TMCO6: variants seen among roughly 807,000 people sequenced by gnomAD.
The protein encoded by TMCO6 is transmembrane and coiled-coil domain-containing protein 6.
A neutral mutation model predicts 61.8 loss-of-function variants in TMCO6; 47 were observed. The observed-to-expected ratio is 0.76, with a 90% CI of 0.60 to 0.97. The LOEUF is 0.97. TMCO6 is among the 50% of genes least tolerant of loss of function. The pLI, the probability that TMCO6 is intolerant of heterozygous loss-of-function variation, is 0.00. For missense variants in TMCO6, 557 were observed against 601.6 expected, an observed-to-expected ratio of 0.93 and a Z score of 0.78; for synonymous variants, 261 against 254.2, an observed-to-expected ratio of 1.03 and a Z score of -0.25.
chr5:140,635,395 G>T (rs1182185188), upstream of TMCO6, among the ~76,000 whole-genome samples: 5 of 152,168 alleles, frequency 3.3e-5, no homozygotes, highest in Admixed American at 3.3e-4. Context: ...AAAGTCTTTG[G>T]CACAGAAACA....
the TMCO6 span, among the ~76,000 whole-genome samples, chr5:140,618,465 A>C: frequency 6.6e-6 from 1 of 152,114 alleles, no homozygotes; most frequent in Non-Finnish European, 1.5e-5. Context: ...CAATACAATA[A>C]AGAAGAGAGA....
chr5:140,625,879 G>A, the TMCO6 span, among the ~76,000 whole-genome samples: 9 of 152,192 alleles, frequency 5.9e-5, no homozygotes, highest in Non-Finnish European at 1.3e-4. Context: ...GGAGATGACA[G>A]TAGAGGAGGC....
chr5:140,603,583 C>T, the TMCO6 span, among the ~76,000 whole-genome samples: 2 of 152,164 alleles, frequency 1.3e-5, no homozygotes. Context: ...GCTGGGATCA[C>T]AAGTGTGAGC....
At chr5:140,620,333 A>G in the TMCO6 span, among the ~76,000 whole-genome samples, 2 of 152,206 alleles carry the variant, frequency 1.3e-5, no homozygotes, top group African/African-American at 2.4e-5. Flanking sequence ...ACAAAACTAT[A>G]TTGACAGTTT....
At chr5:140,618,000 ACT>A in the TMCO6 span, among the ~76,000 whole-genome samples, 1 of 152,198 alleles carries the variant, frequency 6.6e-6, no homozygotes, top group South Asian at 2.1e-4. Context: ...GAGGACTGAC[ACT>A]ACCTGACTTC....
At chr5:140,633,378 T>C in the TMCO6 span, 1 of 527,384 alleles carries the variant, frequency 1.9e-6, no homozygotes, top group Non-Finnish European at 3.4e-6. Context: ...CTGTGTCTCC[T>C]GGCAGTGTCC....
the TMCO6 span, among the ~76,000 whole-genome samples, chr5:140,615,799 G>T: frequency 7.8e-4 from 119 of 152,308 alleles, no homozygotes; most frequent in African/African-American, 2.7e-3. Context: ...ACTAAAAATT[G>T]ATCAAATTGC....
chr5:140,644,744 T>C lies in TMCO6; in HGVS notation c.1368+4T>C, dbSNP rs200193867. ...GCTGTTCCTGTATCAGCCAGAGGTA[T>C]AGGTTTCTGGCCCACATCCTCAGTC... is the stretch of plus-strand genomic sequence containing the variant. On this transcript the variant is annotated splice_donor_region_variant and intron_variant, in intron 11 of 11. Coordinates refer to ENST00000394671, the MANE Select transcript of TMCO6 (RefSeq NM_018502.5). The C allele has an allele frequency of 7.1e-5, 115 of 1,614,110 alleles. No homozygotes were observed. In the African/African-American group the frequency reaches 1.4e-3, roughly 19 times the overall value.
chr5:140,624,999 G>A, the TMCO6 span, among the ~76,000 whole-genome samples: 2 of 151,648 alleles, frequency 1.3e-5, no homozygotes, highest in South Asian at 2.1e-4. Flanking sequence ...GATTACAGGC[G>A]CTTGGCACCG....
the TMCO6 span, among the ~76,000 whole-genome samples, chr5:140,623,637 T>C: frequency 3.5e-4 from 53 of 152,370 alleles, no homozygotes; most frequent in African/African-American, 1.2e-3. Context: ...TATGCTCACA[T>C]CTTTAGTGAT....
chr5:140,632,039 A>G, the TMCO6 span: 1 of 1,614,218 alleles, frequency 6.2e-7, no homozygotes, highest in Non-Finnish European at 8.5e-7. The surrounding 1 kb of genome is among the most constrained non-coding windows in gnomAD (Gnocchi z 6.2). Context: ...GCAGCTCGTC[A>G]GGCTGCGGCG....
At chr5:140,638,656 A>G (rs1561940950), upstream of TMCO6, 1 of 151,244 alleles carries the variant, frequency 6.6e-6, no homozygotes, top group Non-Finnish European at 1.5e-5. Flanking sequence ...TCCCGGGTTC[A>G]AACGATTCTC....
chr5:140,607,380 T>C, the TMCO6 span, among the ~76,000 whole-genome samples: 1 of 152,266 alleles, frequency 6.6e-6, no homozygotes, highest in Non-Finnish European at 1.5e-5. Flanking sequence ...CGTCATTACT[T>C]TCTGTGGCTA....
the TMCO6 span, among the ~76,000 whole-genome samples, chr5:140,619,011 A>G: frequency 5.3e-5 from 8 of 152,234 alleles, no homozygotes; most frequent in East Asian, 1.9e-4. Context: ...TATGAAAGAC[A>G]TTGCCAAGAG....
intron 7 of TMCO6, 59 bp downstream of exon 7, chr5:140,643,100 T>A (rs1757150782): frequency 6.2e-7 from 1 of 1,609,338 alleles, no homozygotes; most frequent in Admixed American, 1.7e-5. Context: ...TCCATGACAT[T>A]CAACTCTTTG....
chr5:140,624,301 G>A, the TMCO6 span, among the ~76,000 whole-genome samples: 5 of 151,306 alleles, frequency 3.3e-5, no homozygotes, highest in African/African-American at 1.2e-4. Flanking sequence ...GGAGGCGGAG[G>A]TTGCAGGAGC....
At chr5:140,647,254 A>G, downstream of TMCO6, 1 of 1,542,292 alleles carries the variant, frequency 6.5e-7, no homozygotes, top group Non-Finnish European at 8.7e-7. Flanking sequence ...TCCCGCACTC[A>G]CCGTAGCGGG....
At chr5:140,618,687 C>T in the TMCO6 span, among the ~76,000 whole-genome samples, 41 of 152,218 alleles carry the variant, frequency 2.7e-4, no homozygotes, top group Non-Finnish European at 4.4e-5. Context: ...CCATCTTTTC[C>T]TTCTTTGTGT....
Position 140,645,037 on chromosome 5 carries a change from AG to A in TMCO6, c.1423del (p.Glu475LysfsTer40), listed in dbSNP as rs1757314878. 1 of 1,614,246 alleles carries A rather than the reference AG, an allele frequency of 6.2e-7. No individual in the cohort carries two copies. Among genetic ancestry groups the A allele is most frequent in the South Asian group, 1.1e-5 (1 of 91,082 alleles). The part of the protein sequence containing the change: ...QSGLQALERH[Q>X]EEAQLQDRVY... ...GGGCTGCAAGCCCTGGAAAGGCATC[AG>A]GAAGAGGCCCAGCTCCAGGATCGTG... On this transcript the variant is annotated frameshift_variant, in exon 12 of 12. Transcript: ENST00000394671. LOFTEE classifies it high-confidence loss of function.
Sources: allele counts gnomAD v4.1 joint callset (sites outside exome capture counted in the v4.1 genomes callset), GRCh38; gene constraint gnomAD v4.1.1; non-coding constraint Gnocchi (gnomAD v3.1); transcripts MANE v1.5; gene names NCBI Gene and HGNC (gene_info 2026-07-23, HGNC 2026-07-21).